Variants in ROBO2 observed in about 807,000 individuals in gnomAD.
ROBO2 encodes roundabout homolog 2.
A neutral mutation model predicts 160.8 loss-of-function variants in ROBO2; 53 were observed. That is an observed-to-expected ratio of 0.33 (90% CI 0.26 to 0.41). ROBO2 has a LOEUF of 0.41. Among genes scored for constraint, ROBO2 ranks in the 10% least tolerant of loss-of-function variants. The pLI, the probability that ROBO2 is intolerant of heterozygous loss-of-function variation, is 1.00. For synonymous variants in ROBO2, 664 were observed against 611.7 expected (o/e 1.09, Z -1.26); for missense variants, 1,577 against 1,722.4 (o/e 0.92, Z 1.49).
At chr3:77,588,613 CA>C (rs1284800381) in intron 16 of ROBO2, 137 bp from the exon 18 acceptor site, 1 of 794,926 alleles carries the variant, frequency 1.3e-6, no homozygotes, top group Non-Finnish European at 2.0e-6. Flanking sequence ...CTATGCTTAT[CA>C]ATACTTGTGA....
intron 2 of ROBO2, among the ~76,000 whole-genome samples, chr3:76,324,111 A>G (rs535241447): frequency 6.6e-6 from 1 of 152,314 alleles, no homozygotes; most frequent in Non-Finnish European, 1.5e-5. Context: ...TAAATGTTCA[A>G]TATTGCTGTC....
At chr3:77,082,817 T>A (rs2068814742) in intron 1 of ROBO2, among the ~76,000 whole-genome samples, 6 of 151,986 alleles carry the variant, frequency 3.9e-5, no homozygotes, top group Admixed American at 3.9e-4. Context: ...AAACATTTTT[T>A]TTTTTGGCTA....
At chr3:76,097,676 A>G (rs892116372) in intron 2 of ROBO2, among the ~76,000 whole-genome samples, 3 of 152,266 alleles carry the variant, frequency 2.0e-5, no homozygotes, top group South Asian at 2.1e-4. Context: ...GGGACATTTT[A>G]AAAAATATGT....
At chr3:76,387,688 C>A (rs765659480) in intron 2 of ROBO2, among the ~76,000 whole-genome samples, 1 of 152,038 alleles carries the variant, frequency 6.6e-6, no homozygotes, top group Non-Finnish European at 1.5e-5. Context: ...AAAAATTAAG[C>A]AACTTGTTTA....
At chr3:76,390,936 A>G (rs2077120137) in intron 2 of ROBO2, among the ~76,000 whole-genome samples, 1 of 152,224 alleles carries the variant, frequency 6.6e-6, no homozygotes. Flanking sequence ...CCCAATAAAT[A>G]AAACAAGGTA....
intron 2 of ROBO2, among the ~76,000 whole-genome samples, chr3:76,068,220 T>A (rs932963629): frequency 3.3e-5 from 5 of 151,782 alleles, no homozygotes; most frequent in African/African-American, 9.7e-5. Flanking sequence ...TGAGGGAGGG[T>A]AAGGAGCTCT....
chr3:77,221,766 A>G (rs1359714400), intron 2 of ROBO2, among the ~76,000 whole-genome samples: 1 of 152,186 alleles, frequency 6.6e-6, no homozygotes, highest in African/African-American at 2.4e-5. Flanking sequence ...AAGATACACA[A>G]TAGTTGTCCA....
chr3:76,485,457 C>T (rs2079443226), intron 2 of ROBO2, among the ~76,000 whole-genome samples: 1 of 152,116 alleles, frequency 6.6e-6, no homozygotes, highest in South Asian at 2.1e-4. Context: ...ACTCGTCTGC[C>T]ACTCACCTGC....
At chr3:77,370,433 T>C (rs1441744933) in intron 2 of ROBO2, among the ~76,000 whole-genome samples, 1 of 152,230 alleles carries the variant, frequency 6.6e-6, no homozygotes, top group African/African-American at 2.4e-5. Flanking sequence ...GACTTGGTGT[T>C]GAAGTCCCTT....
At chr3:76,538,065 C>T (rs2082608254) in intron 2 of ROBO2, among the ~76,000 whole-genome samples, 3 of 151,698 alleles carry the variant, frequency 2.0e-5, no homozygotes, top group East Asian at 1.9e-4. Context: ...CTCCAGATTT[C>T]GTGGCTCCTG....
intron 2 of ROBO2, among the ~76,000 whole-genome samples, chr3:76,345,409 A>C (rs1263278905): frequency 6.8e-6 from 1 of 147,266 alleles, no homozygotes; most frequent in Non-Finnish European, 1.5e-5. Context: ...GTGTGTTTCA[A>C]GAGTAGGCAG....
At chr3:77,134,333 T>C (rs2150373857) in intron 2 of ROBO2, among the ~76,000 whole-genome samples, 1 of 152,340 alleles carries the variant, frequency 6.6e-6, no homozygotes, top group African/African-American at 2.4e-5. Context: ...ACATTTGACT[T>C]TTTATTTTTG....
chr3:77,053,286 T>C (rs2065400410), intron 1 of ROBO2, among the ~76,000 whole-genome samples: 2 of 152,186 alleles, frequency 1.3e-5, no homozygotes, highest in South Asian at 2.1e-4. Flanking sequence ...AATTAAGCCA[T>C]GTCTTTGTTT....
intron 2 of ROBO2, among the ~76,000 whole-genome samples, chr3:76,798,237 GA>G (rs1290200446): frequency 1.2e-3 from 87 of 71,896 alleles, no homozygotes; most frequent in African/African-American, 3.6e-3. Context: ...GAGAAAGAAA[GA>G]AAAAAAGAAG....
At chr3:76,904,464 T>C (rs112189679) in intron 2 of ROBO2, among the ~76,000 whole-genome samples, 4 of 152,296 alleles carry the variant, frequency 2.6e-5, no homozygotes, top group African/African-American at 7.2e-5. Context: ...TTCATAATAA[T>C]ATACTAGGGC....
At chr3:76,171,880 C>T in intron 2 of ROBO2, among the ~76,000 whole-genome samples, 1 of 152,062 alleles carries the variant, frequency 6.6e-6, no homozygotes, top group East Asian at 1.9e-4. Flanking sequence ...GGTGTAAACT[C>T]AGAAGAGATG....
chr3:76,280,871 G>A (rs140820047), intron 2 of ROBO2, among the ~76,000 whole-genome samples: 11,527 of 151,886 alleles, frequency 0.076, 747 homozygotes, highest in African/African-American at 0.17. Context: ...TTCCCTGTAT[G>A]AATCTAGTGA....
At position 76,829,130 on chromosome 3, in the gene ROBO2, G is replaced by A. The variant is rs896147180; in HGVS notation, c.110-268884G>A. ...AGACACACCTTGAACTCCACCTTCC[G>A]TAAGTCACCTGCTTTTTCTTCTTCA... is the stretch of plus-strand genomic sequence containing the variant. On this transcript the variant is annotated intron_variant, in intron 2 of 26. Transcript: ENST00000487694. Among the ~76,000 whole-genome samples, 9 of 151,896 alleles carry A rather than the reference G, an allele frequency of 5.9e-5. No individual in the cohort carries two copies. The South Asian group carries it at 8.3e-4, about 14-fold the overall frequency.
intron 2 of ROBO2, among the ~76,000 whole-genome samples, chr3:77,294,913 A>T (rs2061859562): frequency 2.0e-5 from 3 of 151,922 alleles, no homozygotes; most frequent in East Asian, 3.9e-4. Context: ...CTGAGGCTAG[A>T]TCACCCCAGA....
Sources: gnomAD v4.1 joint callset for allele counts (sites outside exome capture counted in the v4.1 genomes callset) on GRCh38, gnomAD v4.1.1 for gene constraint, MANE v1.5 for transcripts, NCBI Gene and HGNC (gene_info 2026-07-23, HGNC 2026-07-21) for gene names.